The following TPX2 variants were observed in gnomAD, a reference collection of about 807,000 sequenced individuals.
The protein encoded by TPX2 is targeting protein for Xklp2.
TPX2 carries 21 observed loss-of-function variants against 93.6 expected under a neutral mutation model. The observed-to-expected ratio is 0.22, with a 90% CI of 0.16 to 0.32. The LOEUF (loss-of-function observed/expected upper bound fraction) is 0.32. Among genes scored for constraint, TPX2 ranks in the 10% least tolerant of loss-of-function variants. The probability of loss-of-function intolerance (pLI) is 1.00; values close to 1 mark genes in which losing one functional copy is unlikely to be tolerated. For missense variants in TPX2, 776 were observed against 871.1 expected, an observed-to-expected ratio of 0.89 and a Z score of 1.37; for synonymous variants, 281 against 298.3, an observed-to-expected ratio of 0.94 and a Z score of 0.60.
At chr20:31,753,420 C>A (rs1229744160) in intron 2 of TPX2, among the ~76,000 whole-genome samples, 1 of 152,140 alleles carries the variant, frequency 6.6e-6, no homozygotes, top group Admixed American at 6.6e-5. Context: ...TTTAGTATAT[C>A]ATGGCACCTG....
chr20:31,782,456 T>G, intron 11 of TPX2, 66 bp downstream of exon 11: 1 of 1,532,806 alleles, frequency 6.5e-7, no homozygotes, highest in South Asian at 1.3e-5. Flanking sequence ...TTCAGTTCTG[T>G]TAGGGTGACA....
chr20:31,797,584 C>A (rs2062146365), intron 16 of TPX2, 69 bp downstream of exon 16: 2 of 1,348,998 alleles, frequency 1.5e-6, no homozygotes, highest in East Asian at 4.6e-5. Flanking sequence ...TGCTGGAATT[C>A]AGTGTGTCAG....
intron 5 of TPX2, 113 bp downstream of exon 5, chr20:31,766,795 C>CTTTTTTTT (rs11299452): frequency 6.7e-6 from 3 of 450,878 alleles, no homozygotes; most frequent in Non-Finnish European, 9.0e-6. Context: ...CTTTATGTTA[C>CTTTTTTTT]TTTTTTTTTT....
chr20:31,784,249 C>T (rs1033448890), intron 12 of TPX2, among the ~76,000 whole-genome samples: 8 of 152,186 alleles, frequency 5.3e-5, no homozygotes, highest in Non-Finnish European at 8.8e-5. Context: ...TGAGCCTTGA[C>T]GATGTACTGT....
At chr20:31,777,930 C>T (rs560058062) in intron 9 of TPX2, among the ~76,000 whole-genome samples, 1 of 152,166 alleles carries the variant, frequency 6.6e-6, no homozygotes, top group African/African-American at 2.4e-5. Context: ...GCGCCTGCCA[C>T]CACTCCCAGC....
At chr20:31,743,440 C>G (rs1243664458) in intron 2 of TPX2, among the ~76,000 whole-genome samples, 3 of 152,250 alleles carry the variant, frequency 2.0e-5, no homozygotes, top group Middle Eastern at 3.4e-3. Context: ...AATCCCACCA[C>G]TTTGGGAGAC....
chr20:31,767,010 C>T (rs2061932191), intron 5 of TPX2, among the ~76,000 whole-genome samples: 1 of 151,984 alleles, frequency 6.6e-6, no homozygotes, highest in Non-Finnish European at 1.5e-5. Context: ...CCATGTTGGC[C>T]AGGCTGGTCT....
intron 4 of TPX2, among the ~76,000 whole-genome samples, 162 bp from the exon 5 acceptor site, chr20:31,766,394 T>A (rs2061924821): frequency 6.6e-6 from 1 of 151,856 alleles, no homozygotes; most frequent in Non-Finnish European, 1.5e-5. Context: ...AAAGTAGCTT[T>A]TATAAACTGG....
intron 7 of TPX2, among the ~76,000 whole-genome samples, chr20:31,773,539 G>A (rs368340110): frequency 6.6e-6 from 1 of 151,848 alleles, no homozygotes; most frequent in African/African-American, 2.4e-5. Flanking sequence ...TGATCTGCCC[G>A]CCTCAGCCTC....
chr20:31,799,563 A>C (rs901789141), intron 17 of TPX2, among the ~76,000 whole-genome samples: 1 of 152,226 alleles, frequency 6.6e-6, no homozygotes, highest in African/African-American at 2.4e-5. Context: ...ACTTTAAAAC[A>C]TCAGCGGTAC....
At position 31,801,303 on chromosome 20, in the gene TPX2, C is replaced by T. The variant is rs1403132727; in HGVS notation, c.*223C>T. 1 of 488,092 alleles carries T rather than the reference C, an allele frequency of 2.0e-6. No individual in the cohort carries two copies. The highest frequency in any genetic ancestry group is 1.9e-5 in the African/African-American group (1 of 51,692). 30.2% of individuals were successfully genotyped at this position (488,092 alleles called of 1,614,324 possible). On this transcript the variant is annotated 3_prime_UTR_variant, in exon 18 of 18. Coordinates refer to ENST00000300403, the MANE Select transcript of TPX2 (RefSeq NM_012112.5). ...ATAATGAGATGTAACTCATGAATGTCTCGATTAGACTCCATGTAGTTACTT... is the reference window on the plus strand; with the variant it reads ...ATAATGAGATGTAACTCATGAATGTTTCGATTAGACTCCATGTAGTTACTT...
chr20:31,765,078 C>T (rs1358661804), intron 4 of TPX2, among the ~76,000 whole-genome samples: 1 of 151,908 alleles, frequency 6.6e-6, no homozygotes, highest in Non-Finnish European at 1.5e-5. Flanking sequence ...CCTCAGCCTC[C>T]TGAGTAACTG....
chr20:31,779,580 C>T (rs6060941), intron 10 of TPX2, among the ~76,000 whole-genome samples: 56,433 of 152,100 alleles, frequency 0.37, 12,620 homozygotes, highest in African/African-American at 0.62. Context: ...ATTAGATAAA[C>T]AGGTCACTAC....
chr20:31,777,513 C>A lies in TPX2; in HGVS notation c.757C>A (p.Gln253Lys), dbSNP rs1166719110. Residue 253 changes from glutamine to lysine, a missense_variant, in exon 9 of 18, where the codon CAG (glutamine) becomes AAG (lysine). Physicochemically the swap from Gln to Lys is moderately conservative, Grantham distance 53. Coordinates refer to ENST00000300403, the MANE Select transcript of TPX2 (RefSeq NM_012112.5). ...GCAACCTGTGAAGAAATCAGTGAGC[C>A]AGGTCACCAAATCAGTTGACTTCCA... ...IGQPVKKSVS[Q>K]VTKSVDFHFR... 6.2e-7 allele frequency: 1 copy of A among 1,613,938 alleles called. No homozygotes were observed. Among genetic ancestry groups the A allele is most frequent in the Admixed American group, 1.7e-5 (1 of 60,000 alleles).
In TPX2 at chr20:31,800,998, A is replaced by T; in HGVS notation, c.2162A>T (p.Tyr721Phe). Residue 721 changes from tyrosine to phenylalanine, a missense_variant, in exon 18 of 18, where the codon TAC (tyrosine) becomes TTC (phenylalanine). Transcript: ENST00000300403. ...LVHKANPIRK[Y>F]QGLEIKSSDQ... is the part of the protein sequence containing the mutation. ...CATAAGGCAAATCCAATACGCAAGT[A>T]CCAGGGTCTGGAGATAAAGTCAAGT... The T allele has an allele frequency of 6.2e-7, 1 of 1,614,226 alleles. No homozygotes were observed. Among genetic ancestry groups the T allele is most frequent in the Non-Finnish European group, 8.5e-7 (1 of 1,180,030 alleles).
intron 2 of TPX2, among the ~76,000 whole-genome samples, chr20:31,743,414 A>G (rs2061764765): frequency 6.6e-6 from 1 of 152,096 alleles, no homozygotes. Context: ...GGCTGGGTAC[A>G]GTGGCTCAGG....
intron 12 of TPX2, among the ~76,000 whole-genome samples, chr20:31,784,651 A>T (rs2062054315): frequency 6.6e-6 from 1 of 152,206 alleles, no homozygotes; most frequent in Non-Finnish European, 1.5e-5. Context: ...AGAAGCTTCT[A>T]CTGGGAGCTG....
chr20:31,768,202 G>T (rs1427405604), intron 5 of TPX2, among the ~76,000 whole-genome samples: 1 of 151,066 alleles, frequency 6.6e-6, no homozygotes, highest in Non-Finnish European at 1.5e-5. Context: ...CTAGAGTGCT[G>T]AGATTACAGG....
rs551323410 is a variant in TPX2, at chr20:31,753,820, G to A, written c.-70-3587G>A. ...GCAGGCAGATCACCTGAGGTCAGGA[G>A]TTCAAGACCAGCCTGGCCAACATGG... On this transcript the variant is annotated intron_variant, in intron 2 of 17. Transcript: ENST00000300403. Among the ~76,000 whole-genome samples the A allele has an allele frequency of 9.2e-5, 14 of 152,296 alleles. 1 individual carries two copies. The highest frequency in any genetic ancestry group is 3.4e-4 in the African/African-American group (14 of 41,576).
Sources: gnomAD v4.1 joint callset for allele counts (sites outside exome capture counted in the v4.1 genomes callset) on GRCh38, gnomAD v4.1.1 for gene constraint, MANE v1.5 for transcripts, NCBI Gene and HGNC (gene_info 2026-07-23, HGNC 2026-07-21) for gene names.